Variants in NUDT5 observed in about 807,000 individuals in gnomAD.
NUDT5 encodes nudix hydrolase 5.
In NUDT5, 21 loss-of-function variants were observed where a neutral mutation model predicts 34.1. The ratio of observed to expected loss-of-function variants is 0.62; its 90% CI spans 0.44 to 0.89. The LOEUF is 0.89. Among genes scored for constraint, NUDT5 ranks in the 40% least tolerant of loss-of-function variants. NUDT5 has a pLI of 0.00. For missense variants in NUDT5, 249 were observed against 274.8 expected (o/e 0.91, Z 0.66); for synonymous variants, 85 against 97.6 (o/e 0.87, Z 0.76).
intron 5 of NUDT5, among the ~76,000 whole-genome samples, chr10:12,177,443 C>T (rs1033251839): frequency 6.6e-6 from 1 of 152,046 alleles, no homozygotes; most frequent in Non-Finnish European, 1.5e-5. Context: ...TGCTTGAACC[C>T]AGGAGGCGGA....
At position 12,172,849 on chromosome 10, in the gene NUDT5, C is replaced by T. The variant is rs1418549122; in HGVS notation, c.403G>A (p.Gly135Ser). 6.2e-7 allele frequency: 1 copy of T among 1,613,986 alleles called. No individual in the cohort carries two copies. Among genetic ancestry groups the T allele is most frequent in the East Asian group, 2.2e-5 (1 of 44,906 alleles). The stretch of plus-strand genomic sequence containing the variant: ...ATGTGTATAGTACAGTTTGACAAGC[C>T]TGGGTCCATACAGACCGCTGTGGAG... Reference protein sequence around the residue: ...ECSPAVCMDPGLSNCTIHIVT... With the variant: ...ECSPAVCMDPSLSNCTIHIVT... Residue 135 changes from glycine (G) to serine (S), a missense_variant, in exon 7 of 10, where the codon GGC (glycine) becomes AGC (serine). Gly to Ser is a moderately conservative substitution (Grantham distance 56). Coordinates refer to ENST00000491614, the MANE Select transcript of NUDT5 (RefSeq NM_014142.4).
intron 1 of NUDT5, among the ~76,000 whole-genome samples, chr10:12,191,425 A>AACCACC (rs56655082): frequency 6.6e-6 from 1 of 152,016 alleles, no homozygotes; most frequent in African/African-American, 2.4e-5. Flanking sequence ...ACAAAGGAAA[A>AACCACC]ACCACCACCA....
intron 4 of NUDT5, among the ~76,000 whole-genome samples, chr10:12,178,232 C>T (rs1246654832): frequency 6.6e-6 from 1 of 152,212 alleles, no homozygotes; most frequent in Non-Finnish European, 1.5e-5. Flanking sequence ...CAGCGTGTGG[C>T]AGCCCTACCA....
Position 12,169,230 on chromosome 10 carries a change from T to C in NUDT5, c.551-1419A>G, listed in dbSNP as rs1388752658. The C allele has an allele frequency of 6.8e-7, 1 of 1,481,362 alleles. No individual in the cohort carries two copies. Among genetic ancestry groups the C allele is most frequent in the East Asian group, 2.5e-5 (1 of 40,480 alleles). The allele number at this position is 1,481,362 out of a possible 1,614,324, so 91.8% of individuals were successfully genotyped here. A position where few individuals can be genotyped will look rare whatever the true frequency, so the allele number is the denominator to read the frequency against. ...AGCCCTCTCTCCACCTCCCCTCACTTATTCTATTTTTTTCTCCCTTTTCTA... is the reference window on the plus strand; with the variant it reads ...AGCCCTCTCTCCACCTCCCCTCACTCATTCTATTTTTTTCTCCCTTTTCTA... On this transcript the variant is annotated intron_variant, in intron 9 of 9. Transcript: ENST00000491614. The surrounding 1 kb of genome is among the most constrained non-coding windows in gnomAD (Gnocchi z 4.8).
intron 1 of NUDT5, among the ~76,000 whole-genome samples, chr10:12,188,183 C>A (rs1345508885): frequency 6.6e-6 from 1 of 152,118 alleles, no homozygotes; most frequent in Non-Finnish European, 1.5e-5. Flanking sequence ...AGCATCAACT[C>A]TCTTCCCAAC....
At position 12,170,655 on chromosome 10, in the gene NUDT5, G is replaced by C. The variant is rs1834835225; in HGVS notation, c.550+62C>G. ...GAAATGGAGTTATATTTAGTACCCA[G>C]TTTGCTGGGATGGGGACGGGGAGAA... On this transcript the variant is annotated intron_variant, in intron 9 of 9. Transcript: ENST00000491614. This position sits in a 1 kb window ranked among gnomAD's most constrained non-coding sequence, Gnocchi z 4.9. 1 of 1,474,332 alleles carries C rather than the reference G, an allele frequency of 6.8e-7. No homozygotes were observed. Among genetic ancestry groups the C allele is most frequent in the African/African-American group, 1.4e-5 (1 of 72,076 alleles). 91.3% of individuals were successfully genotyped at this position (1,474,332 alleles called of 1,614,324 possible).
rs1834866956 is a variant in NUDT5, at chr10:12,171,993, G to A, written c.487+772C>T. On this transcript the variant is annotated intron_variant, in intron 7 of 9. Coordinates refer to ENST00000491614, the MANE Select transcript of NUDT5 (RefSeq NM_014142.4). The surrounding 1 kb of genome is among the most constrained non-coding windows in gnomAD (Gnocchi z 4.2). ...ACCCACCTCAACCTTCCAAAGTGCT[G>A]GGATTACAGGCATGAGCCACCACGC... Among the ~76,000 whole-genome samples, 1 of 152,016 alleles carries A rather than the reference G, an allele frequency of 6.6e-6. No individual in the cohort carries two copies.
Position 12,175,855 on chromosome 10 carries a change from C to T in NUDT5, c.289+1938G>A, listed in dbSNP as rs1834940958. Among the ~76,000 whole-genome samples the T allele has an allele frequency of 6.6e-6, 1 of 152,048 alleles. No homozygotes were observed. The highest frequency in any genetic ancestry group is 1.5e-5 in the Non-Finnish European group (1 of 68,026). On this transcript the variant is annotated intron_variant, in intron 5 of 9. Transcript: ENST00000491614. This position sits in a 1 kb window ranked among gnomAD's most constrained non-coding sequence, Gnocchi z 4.8. ...TGGGCTGTGATGGTGCCGGAGCACA[C>T]CAGCCTCAGCAACAGAGACCCCATC...
intron 1 of NUDT5, among the ~76,000 whole-genome samples, chr10:12,192,430 C>A (rs949968295): frequency 2.0e-5 from 3 of 152,082 alleles, no homozygotes; most frequent in African/African-American, 7.2e-5. Context: ...TCTAAAGTGG[C>A]AATCTACATT....
At chr10:12,174,619 G>C (rs936282489) in intron 5 of NUDT5, among the ~76,000 whole-genome samples, 6 of 152,182 alleles carry the variant, frequency 3.9e-5, no homozygotes, top group Non-Finnish European at 7.3e-5. Flanking sequence ...ATAAAACTCT[G>C]AGCAGATGAA....
At chr10:12,176,813 A>G (rs1371469544) in intron 5 of NUDT5, among the ~76,000 whole-genome samples, 1 of 151,848 alleles carries the variant, frequency 6.6e-6, no homozygotes, top group Non-Finnish European at 1.5e-5. Context: ...CTCCATTCAC[A>G]TTTCTTGGAG....
In NUDT5 at chr10:12,175,280, A is replaced by G. The variant is rs1241973490; in HGVS notation, c.290-1467T>C. 6.6e-6 allele frequency among the ~76,000 whole-genome samples: 1 copy of G among 152,156 alleles called. No homozygotes were observed. Among genetic ancestry groups the G allele is most frequent in the Non-Finnish European group, 1.5e-5 (1 of 68,040 alleles). ...GGTTGCAGTGAGCTGAAATCGTGCC[A>G]CTGCACTCTAGCTTGGGCAACAAAA... On this transcript the variant is annotated intron_variant, in intron 5 of 9. Transcript: ENST00000491614. This position sits in a 1 kb window ranked among gnomAD's most constrained non-coding sequence, Gnocchi z 4.8.
At chr10:12,190,020 A>G (rs140297573) in intron 1 of NUDT5, among the ~76,000 whole-genome samples, 2,993 of 151,888 alleles carry the variant, frequency 0.02, 100 homozygotes, top group African/African-American at 0.069. Context: ...CAGCCTCCCA[A>G]GTAGCTGGGA....
At position 12,182,163 on chromosome 10, in the gene NUDT5, A is replaced by G. The variant is rs1237895749; in HGVS notation, c.131+2726T>C. ...AAAAAAAAAAAGAAGGATATAGCTG[A>G]GCTGAAGGGGAGGGTTCCTTTTCCC... On this transcript the variant is annotated intron_variant, in intron 3 of 9. Transcript: ENST00000491614. This position sits in a 1 kb window ranked among gnomAD's most constrained non-coding sequence, Gnocchi z 4.3. Among the ~76,000 whole-genome samples, 1 of 150,762 alleles carries G rather than the reference A, an allele frequency of 6.6e-6. No individual in the cohort carries two copies. Among genetic ancestry groups the G allele is most frequent in the African/African-American group, 2.4e-5 (1 of 41,090 alleles).
In NUDT5 at chr10:12,181,011, A is replaced by T. The variant is rs1323814981; in HGVS notation, c.132-1879T>A. ...TCCCCTTTCATGAATGAGACGGTGG[A>T]ACATAGGATTCTCTAGCTGCTATTT... On this transcript the variant is annotated intron_variant, in intron 3 of 9. Coordinates refer to ENST00000491614, the MANE Select transcript of NUDT5 (RefSeq NM_014142.4). This position sits in a 1 kb window ranked among gnomAD's most constrained non-coding sequence, Gnocchi z 5.0. Among the ~76,000 whole-genome samples the T allele has an allele frequency of 6.6e-6, 1 of 152,156 alleles. No individual in the cohort carries two copies. Among genetic ancestry groups the T allele is most frequent in the Non-Finnish European group, 1.5e-5 (1 of 68,022 alleles).
intron 1 of NUDT5, among the ~76,000 whole-genome samples, chr10:12,189,848 G>A (rs1835192790): frequency 6.6e-6 from 1 of 151,530 alleles, no homozygotes; most frequent in African/African-American, 2.4e-5. Context: ...GCCAATATGT[G>A]TATGGTATGA....
intron 5 of NUDT5, among the ~76,000 whole-genome samples, chr10:12,174,691 C>T (rs569890242): frequency 2.6e-5 from 4 of 152,372 alleles, no homozygotes; most frequent in South Asian, 4.1e-4. Flanking sequence ...TGAGCCTTCA[C>T]GACCATCTCC....
In NUDT5 at chr10:12,168,008, A is replaced by G. The variant is rs567251675; in HGVS notation, c.551-197T>C. On this transcript the variant is annotated intron_variant, in intron 9 of 9. Coordinates refer to ENST00000491614, the MANE Select transcript of NUDT5 (RefSeq NM_014142.4). This position sits in a 1 kb window ranked among gnomAD's most constrained non-coding sequence, Gnocchi z 4.8. ...CAAGATTACATTCCTAGCATGAGAC[A>G]AGAACATCAGGGATAATGATTTTTT... 6.7e-6 allele frequency: 7 copies of G among 1,046,444 alleles called. No homozygotes were observed. In the East Asian group the frequency reaches 2.4e-4, roughly 37 times the overall value. 64.8% of individuals were successfully genotyped at this position (1,046,444 alleles called of 1,614,324 possible).
intron 5 of NUDT5, among the ~76,000 whole-genome samples, chr10:12,174,333 C>A (rs1834914605): frequency 6.8e-6 from 1 of 147,730 alleles, no homozygotes; most frequent in South Asian, 2.1e-4. Flanking sequence ...GTGGTGTGAT[C>A]TTGGCTCACT....
Sources: allele counts gnomAD v4.1 joint callset (sites outside exome capture counted in the v4.1 genomes callset), GRCh38; gene constraint gnomAD v4.1.1; non-coding constraint Gnocchi (gnomAD v3.1); transcripts MANE v1.5; gene names NCBI Gene and HGNC (gene_info 2026-07-23, HGNC 2026-07-21).